The following OAS1 variants were observed in gnomAD, a reference collection of about 807,000 sequenced individuals.
OAS1 encodes the protein 2'-5'-oligoadenylate synthase 1.
In OAS1, 24 loss-of-function variants were observed where a neutral mutation model predicts 38.5. The ratio of observed to expected loss-of-function variants is 0.62; its 90% confidence interval spans 0.45 to 0.88. OAS1 has a LOEUF of 0.88. OAS1 is among the 40% of genes least tolerant of loss of function. The pLI, the probability that OAS1 is intolerant of heterozygous loss-of-function variation, is 0.00. For missense variants in OAS1, 482 were observed against 493.9 expected (o/e 0.98, Z 0.23); for synonymous variants, 169 against 193.9 (o/e 0.87, Z 1.07).
At position 112,916,426 on chromosome 12, in the gene OAS1, G is replaced by A. The variant is rs2043455923; in HGVS notation, c.655-83G>A. 1.4e-5 allele frequency: 14 copies of A among 973,270 alleles called. 2 individuals carry two copies. The South Asian group carries it at 2.0e-4, about 14-fold the overall frequency. The allele number at this position is 973,270 out of a possible 1,614,324, so 60.3% of individuals were successfully genotyped here. A position where few individuals can be genotyped will look rare whatever the true frequency, so the allele number is the denominator to read the frequency against. ...GGAAACTTTATAAAAACAGGTGGCA[G>A]GCTGGATTTGGCCCATGAGAAGTGT... On this transcript the variant is annotated intron_variant, in intron 3 of 5. Coordinates refer to ENST00000202917, the MANE Select transcript of OAS1 (RefSeq NM_016816.4).
downstream of OAS1, among the ~76,000 whole-genome samples, chr12:112,924,290 T>A (rs2043546649): frequency 1.3e-5 from 2 of 152,214 alleles, no homozygotes; most frequent in Non-Finnish European, 2.9e-5. Context: ...TATAACCTTA[T>A]AATTCTTAGT....
chr12:112,908,417 C>A (rs1407898287), intron 1 of OAS1, 119 bp from the exon 2 acceptor site: 6 of 897,550 alleles, frequency 6.7e-6, no homozygotes, highest in Non-Finnish European at 1.0e-5. Flanking sequence ...GAGTTTAAGA[C>A]ATGCAATGCC....
intron 3 of OAS1, among the ~76,000 whole-genome samples, chr12:112,914,702 G>A (rs986485573): frequency 1.4e-5 from 2 of 148,146 alleles, no homozygotes; most frequent in African/African-American, 5.0e-5. Context: ...GGGATGTTGA[G>A]CATTTTTCCA....
At chr12:112,919,918 ATTAAC>A, downstream of OAS1, 1 of 583,266 alleles carries the variant, frequency 1.7e-6, no homozygotes, top group Non-Finnish European at 2.9e-6. Flanking sequence ...TTGGGTGTTT[ATTAAC>A]TTCAAGGCAC....
chr12:112,911,079 C>G lies in OAS1; in HGVS notation c.498C>G (p.Asn166Lys), dbSNP rs1446492112. 6.2e-7 allele frequency: 1 copy of G among 1,613,948 alleles called. No individual in the cohort carries two copies. The highest frequency in any genetic ancestry group is 1.3e-5 in the African/African-American group (1 of 75,004). ...LGQLTGGYKP[N>K]PQIYVKLIEE... ...AGTTGACTGGCGGCTATAAACCTAA[C>G]CCCCAAATCTATGTCAAGCTCATCG... is the stretch of plus-strand genomic sequence containing the variant. Residue 166 changes from asparagine (N) to lysine (K), a missense_variant, in exon 3 of 6, where the codon AAC becomes AAG. By Grantham distance (94) the Asn-to-Lys change is moderately conservative (BLOSUM62 0). Transcript: ENST00000202917.
In OAS1 at chr12:112,907,170, G is replaced by A. The variant is rs773358405; in HGVS notation, c.131G>A (p.Arg44Lys). ...IDIICGFLKE[R>K]CFRGSSYPVC... ...ATCATCTGTGGGTTCCTGAAGGAAA[G>A]GTGCTTCCGAGGTAGCTCCTACCCT... Residue 44 changes from arginine (R) to lysine (K), a missense_variant, in exon 1 of 6, where the codon AGG becomes AAG. Physicochemically the swap from Arg to Lys is conservative, Grantham distance 26. Coordinates refer to ENST00000202917, the MANE Select transcript of OAS1 (RefSeq NM_016816.4). The A allele has an allele frequency of 6.2e-7, 1 of 1,614,200 alleles. No individual in the cohort carries two copies. Among genetic ancestry groups the A allele is most frequent in the East Asian group, 2.2e-5 (1 of 44,882 alleles).
At chr12:112,915,168 G>A (rs1007934872) in intron 3 of OAS1, among the ~76,000 whole-genome samples, 1 of 152,038 alleles carries the variant, frequency 6.6e-6, no homozygotes, top group Non-Finnish European at 1.5e-5. Flanking sequence ...TTTGCTTTTG[G>A]GTTCTTGGTC....
At position 112,911,274 on chromosome 12, in the gene OAS1, A is replaced by T. The variant is rs780192708; in HGVS notation, c.654+39A>T. On this transcript the variant is annotated intron_variant, in intron 3 of 5. Transcript: ENST00000202917. ...ACCAGGCCTGGTGGGTCCTGTCTCG[A>T]CTGGGAGCAGAGGAGGGGTGGGGGG... is the stretch of plus-strand genomic sequence containing the variant. The T allele has an allele frequency of 3.6e-6, 5 of 1,396,036 alleles. No homozygotes were observed. The African/African-American group carries it at 4.4e-5, about 12-fold the overall frequency. The allele number at this position is 1,396,036 out of a possible 1,614,324, so 86.5% of individuals were successfully genotyped here.
intron 2 of OAS1, among the ~76,000 whole-genome samples, chr12:112,909,268 G>A (rs909273641): frequency 4.6e-5 from 7 of 152,168 alleles, no homozygotes; most frequent in Admixed American, 6.5e-5. Flanking sequence ...TGCCACATCA[G>A]GAGAATTGGT....
At position 112,909,173 on chromosome 12, in the gene OAS1, C is replaced by G. The variant is rs149261977; in HGVS notation, c.469+349C>G. On this transcript the variant is annotated intron_variant, in intron 2 of 5. Transcript: ENST00000202917. Reference sequence around the variant, plus strand: ...TCTTTGTCCCAACATGAGATCTCATCAAACGTATGCAGCACGTTGGGAGAT... The same window carrying G: ...TCTTTGTCCCAACATGAGATCTCATGAAACGTATGCAGCACGTTGGGAGAT... 1.7e-4 allele frequency among the ~76,000 whole-genome samples: 26 copies of G among 152,324 alleles called. No homozygotes were observed. The East Asian group carries it at 5.0e-3, about 29-fold the overall frequency.
In OAS1 at chr12:112,908,727, A is replaced by T. The variant is rs143793109; in HGVS notation, c.372A>T (p.Pro124=). 9 of 1,614,224 alleles carry T rather than the reference A, an allele frequency of 5.6e-6. No homozygotes were observed. Among genetic ancestry groups the T allele is most frequent in the African/African-American group, 1.3e-5 (1 of 75,064 alleles). The part of the protein sequence containing the change: ...AFSVKFEVQA[P]RWGNPRALSF... ...CCGTGAAGTTTGAGGTCCAGGCTCC[A>T]CGCTGGGGCAACCCCCGTGCGCTCA... is the stretch of plus-strand genomic sequence containing the variant. The change falls in exon 2 of 6, where the codon CCA becomes CCT. Residue 124 remains proline, a synonymous_variant. Transcript: ENST00000202917.
chr12:112,928,110 A>T (rs2043571856), intron 6 of OAS1, among the ~76,000 whole-genome samples: 1 of 152,196 alleles, frequency 6.6e-6, no homozygotes, highest in South Asian at 2.1e-4. Flanking sequence ...GGAAGGTCTC[A>T]TGATTTTTCT....
chr12:112,910,344 G>A (rs138617415), intron 2 of OAS1, among the ~76,000 whole-genome samples: 17 of 151,904 alleles, frequency 1.1e-4, no homozygotes, highest in Non-Finnish European at 2.2e-4. Flanking sequence ...CTCCAGCCTG[G>A]GCAACAGAGT....
In OAS1 at chr12:112,911,044, C is replaced by T. The variant is rs7955146; in HGVS notation, c.470-7C>T. On this transcript the variant is annotated splice_polypyrimidine_tract_variant and splice_region_variant and intron_variant, in intron 2 of 5. Coordinates refer to ENST00000202917, the MANE Select transcript of OAS1 (RefSeq NM_016816.4). ...TGACACCTAAGTTGTAGATTTTGCC[C>T]GAACAGGTCAGTTGACTGGCGGCTA... The T allele has an allele frequency of 0.017, 27,167 of 1,611,036 alleles. 3,678 individuals are homozygous for T. In the African/African-American group the frequency reaches 0.31, roughly 18 times the overall value.
At chr12:112,928,170 T>A (rs190402300) in intron 6 of OAS1, among the ~76,000 whole-genome samples, 4 of 152,332 alleles carry the variant, frequency 2.6e-5, no homozygotes, top group Admixed American at 2.6e-4. Flanking sequence ...TACAAACACA[T>A]CCTTCATTCA....
chr12:112,925,893 C>T (rs916275776), intron 6 of OAS1, among the ~76,000 whole-genome samples: 1 of 152,144 alleles, frequency 6.6e-6, no homozygotes. Context: ...TATGGCAGTA[C>T]CTCACATATA....
intron 6 of OAS1, among the ~76,000 whole-genome samples, chr12:112,926,515 GC>G (rs1195495915): frequency 6.6e-6 from 1 of 151,220 alleles, no homozygotes; most frequent in Non-Finnish European, 1.5e-5. Context: ...GTTCTGTGGT[GC>G]CCCCTGAGCC....
chr12:112,918,000 C>T (rs2043487717), intron 5 of OAS1: 3 of 1,172,232 alleles, frequency 2.6e-6, no homozygotes, highest in Middle Eastern at 3.3e-4. Context: ...CTTTAATATG[C>T]ACTCTCTCAT....
At chr12:112,907,966 CCCTTA>C (rs1173206937) in intron 1 of OAS1, among the ~76,000 whole-genome samples, 7 of 152,222 alleles carry the variant, frequency 4.6e-5, no homozygotes, top group African/African-American at 1.7e-4. Flanking sequence ...TGTGCAACTT[CCCTTA>C]CCTTATGCAG....
Sources: allele counts gnomAD v4.1 joint callset (sites outside exome capture counted in the v4.1 genomes callset), GRCh38; gene constraint gnomAD v4.1.1; transcripts MANE v1.5; gene names NCBI Gene and HGNC (gene_info 2026-07-23, HGNC 2026-07-21).